ARHGAP24: variants seen among roughly 807,000 people sequenced by gnomAD.
The protein encoded by ARHGAP24 is rho GTPase-activating protein 24.
Under a neutral mutation model 76.4 loss-of-function variants are expected in ARHGAP24, and 50 were observed. The ratio of observed to expected loss-of-function variants is 0.65; its 90% CI spans 0.52 to 0.83. The LOEUF (loss-of-function observed/expected upper bound fraction) is 0.83. ARHGAP24 is among the 40% of genes least tolerant of loss of function. The pLI is 0.00. For synonymous variants in ARHGAP24, 345 were observed against 323.3 expected (o/e 1.07, Z -0.72); for missense variants, 930 against 914.2 (o/e 1.02, Z -0.22).
chr4:85,763,310 G>T (rs1726804033), intron 3 of ARHGAP24, among the ~76,000 whole-genome samples: 1 of 152,282 alleles, frequency 6.6e-6, no homozygotes, highest in African/African-American at 2.4e-5. Context: ...TTATTTGCAA[G>T]AATGATTAAC....
At chr4:85,630,994 T>C (rs576907871) in intron 2 of ARHGAP24, among the ~76,000 whole-genome samples, 1 of 152,030 alleles carries the variant, frequency 6.6e-6, no homozygotes, top group East Asian at 1.9e-4. Context: ...CACGTATATA[T>C]ACACACACAT....
chr4:85,949,551 T>C (rs1343610421), intron 5 of ARHGAP24, among the ~76,000 whole-genome samples: 3 of 152,214 alleles, frequency 2.0e-5, no homozygotes, highest in Non-Finnish European at 4.4e-5. Flanking sequence ...CTCAGTCTTG[T>C]ATCCTTCAGG....
At chr4:85,566,261 A>T (rs1726841603) in intron 1 of ARHGAP24, among the ~76,000 whole-genome samples, 1 of 152,222 alleles carries the variant, frequency 6.6e-6, no homozygotes, top group Non-Finnish European at 1.5e-5. Flanking sequence ...GCCTGACTTC[A>T]GTGAAAGTAT....
In ARHGAP24 at chr4:85,950,258, C is replaced by T. The variant is rs140392314; in HGVS notation, c.599+7985C>T. Among the ~76,000 whole-genome samples, 716 of 151,904 alleles carry T rather than the reference C, an allele frequency of 4.7e-3. 5 individuals are homozygous for T. The highest frequency in any genetic ancestry group is 7.6e-3 in the Non-Finnish European group (518 of 67,970). On this transcript the variant is annotated intron_variant, in intron 5 of 9. Transcript: ENST00000395184. ...CTGTAATCCCAGCACTTTGGGAGGC[C>T]GAAGTGGGAGGATCCCTTAAGGGTA...
At chr4:85,869,809 C>T (rs537008611) in intron 3 of ARHGAP24, among the ~76,000 whole-genome samples, 4 of 152,236 alleles carry the variant, frequency 2.6e-5, no homozygotes, top group South Asian at 4.1e-4. Context: ...CAGGAAATTG[C>T]GTTAAAGTTC....
Position 85,487,871 on chromosome 4 carries a change from AATATATAATATATATAATAAATATATT to A in ARHGAP24, c.-21+12313_-21+12339del, listed in dbSNP as rs1271519688. Among the ~76,000 whole-genome samples the A allele has an allele frequency of 3.2e-4, 39 of 123,722 alleles. No homozygotes were observed. In the East Asian group the frequency reaches 4.6e-3, roughly 15 times the overall value. The allele number at this position is 123,722 out of a possible 152,430, so 81.2% of individuals were successfully genotyped here. Reference sequence around the variant, plus strand: ...ATATATTTATTATATATATTATATAAATATATAATATATATAATAAATATATTTTATATATATATATTTATTTATTTA... The same window carrying A: ...ATATATTTATTATATATATTATATAATTATATATATATATTTATTTATTTA... On this transcript the variant is annotated intron_variant, in intron 1 of 9. Transcript: ENST00000395184.
chr4:85,814,003 G>A (rs915490088), intron 3 of ARHGAP24, among the ~76,000 whole-genome samples: 2 of 151,784 alleles, frequency 1.3e-5, no homozygotes, highest in African/African-American at 2.4e-5. Flanking sequence ...GTCTCAAATG[G>A]CAGTGGCAAG....
chr4:85,984,988 A>G (rs957428878), intron 8 of ARHGAP24, among the ~76,000 whole-genome samples: 2 of 151,848 alleles, frequency 1.3e-5, no homozygotes, highest in Non-Finnish European at 1.5e-5. Flanking sequence ...CACCCAGCTA[A>G]TTTTTGTATT....
intron 2 of ARHGAP24, among the ~76,000 whole-genome samples, chr4:85,664,608 G>A (rs1411734927): frequency 6.7e-6 from 1 of 150,356 alleles, no homozygotes; most frequent in African/African-American, 2.5e-5. Context: ...TGATGTTAGG[G>A]TGTCAATTTT....
chr4:85,566,393 AT>A lies in ARHGAP24; in HGVS notation c.-20-4121del, dbSNP rs140022870. ...CAAGACTAAAAAGTATAAATTCTGA[AT>A]TTTTTTTCATAAGGGCAGTTTCAGG... is the stretch of plus-strand genomic sequence containing the variant. On this transcript the variant is annotated intron_variant, in intron 1 of 9. Transcript: ENST00000395184. Among the ~76,000 whole-genome samples, 1,129 of 152,130 alleles carry A rather than the reference AT, an allele frequency of 7.4e-3. 15 individuals are homozygous for A. The highest frequency in any genetic ancestry group is 0.025 in the African/African-American group (1,025 of 41,508).
chr4:85,938,973 A>G (rs1221545078), intron 4 of ARHGAP24, among the ~76,000 whole-genome samples: 1 of 152,180 alleles, frequency 6.6e-6, no homozygotes, highest in Non-Finnish European at 1.5e-5. Context: ...GCCATTGTGC[A>G]TACTACACAG....
rs75632068 is a variant in ARHGAP24 at position 85,520,406 on chromosome 4, A to G, written c.-21+44847A>G. Among the ~76,000 whole-genome samples, 364 of 152,274 alleles carry G rather than the reference A, an allele frequency of 2.4e-3. 3 individuals are homozygous for G. Among genetic ancestry groups the G allele is most frequent in the African/African-American group, 8.5e-3 (354 of 41,570 alleles). On this transcript the variant is annotated intron_variant, in intron 1 of 9. Transcript: ENST00000395184. Reference sequence around the variant, plus strand: ...TAACTCTTCCGACTTCATCTAATGTAGGAGCTTTCTTATAGAAGATAATGG... The same window carrying G: ...TAACTCTTCCGACTTCATCTAATGTGGGAGCTTTCTTATAGAAGATAATGG...
At chr4:85,672,538 G>T (rs78030075) in intron 2 of ARHGAP24, among the ~76,000 whole-genome samples, 4,462 of 152,250 alleles carry the variant, frequency 0.029, 204 homozygotes, top group African/African-American at 0.1. Context: ...TGGCAGTTGA[G>T]TTAAGGCAGA....
chr4:85,553,185 G>A (rs1304996290), intron 1 of ARHGAP24, among the ~76,000 whole-genome samples: 1 of 152,176 alleles, frequency 6.6e-6, no homozygotes, highest in South Asian at 2.1e-4. Context: ...GACATTCTCG[G>A]TGAGTGTTAC....
chr4:85,902,930 T>C (rs145476920), intron 3 of ARHGAP24, among the ~76,000 whole-genome samples: 1 of 152,354 alleles, frequency 6.6e-6, no homozygotes, highest in East Asian at 1.9e-4. Flanking sequence ...GTTTTGAAAT[T>C]CAATGAAAAC....
chr4:85,917,182 A>G (rs975799327), intron 3 of ARHGAP24, among the ~76,000 whole-genome samples: 3 of 152,152 alleles, frequency 2.0e-5, no homozygotes, highest in African/African-American at 4.8e-5. Flanking sequence ...TTGTCCTTGC[A>G]ATAGATTACT....
chr4:85,978,458 G>A (rs1739462774), intron 8 of ARHGAP24, among the ~76,000 whole-genome samples: 1 of 151,992 alleles, frequency 6.6e-6, no homozygotes, highest in Non-Finnish European at 1.5e-5. Context: ...GAGAAAAAAA[G>A]CTTTTGCATG....
At chr4:85,941,165 A>G (rs1320938473) in intron 4 of ARHGAP24, among the ~76,000 whole-genome samples, 1 of 152,038 alleles carries the variant, frequency 6.6e-6, no homozygotes, top group Non-Finnish European at 1.5e-5. Context: ...CCTCTTTCTC[A>G]TAAGTTGATA....
chr4:85,893,941 G>T (rs1278664375), intron 3 of ARHGAP24, among the ~76,000 whole-genome samples: 12 of 108,992 alleles, frequency 1.1e-4, no homozygotes, highest in African/African-American at 3.6e-4. Flanking sequence ...ACACTCTGGG[G>T]ACTGTGGTGG....
Sources: allele counts gnomAD v4.1 joint callset (sites outside exome capture counted in the v4.1 genomes callset), GRCh38; gene constraint gnomAD v4.1.1; transcripts MANE v1.5; gene names NCBI Gene and HGNC (gene_info 2026-07-23, HGNC 2026-07-21).